VPS53: variants seen among roughly 807,000 people sequenced by gnomAD.
VPS53 encodes vacuolar protein sorting-associated protein 53 homolog.
In VPS53, 70 loss-of-function variants were observed where a neutral mutation model predicts 107.0. The ratio of observed to expected loss-of-function variants is 0.65; its 90% confidence interval spans 0.54 to 0.80. VPS53 has a LOEUF of 0.80. Ranked by LOEUF, VPS53 falls within the 30% of genes least tolerant of loss-of-function variation. The pLI, the probability that VPS53 is intolerant of heterozygous loss-of-function variation, is 0.00. For missense variants in VPS53, 917 were observed against 1,049.4 expected, an observed-to-expected ratio of 0.87 and a Z score of 1.74; for synonymous variants, 409 against 393.3, an observed-to-expected ratio of 1.04 and a Z score of -0.47.
chr17:620,366 C>T (rs143207321), intron 11 of VPS53, among the ~76,000 whole-genome samples: 1 of 152,204 alleles, frequency 6.6e-6, no homozygotes, highest in African/African-American at 2.4e-5. Context: ...GAGGGAATTG[C>T]ACTGAAGTCT....
intron 18 of VPS53, among the ~76,000 whole-genome samples, chr17:534,452 C>T (rs763078337): frequency 6.6e-6 from 1 of 152,054 alleles, no homozygotes; most frequent in South Asian, 2.1e-4. Flanking sequence ...AACTGGAGTC[C>T]GGAGATCGGA....
At chr17:589,060 AATG>A (rs1377691116) in intron 12 of VPS53, among the ~76,000 whole-genome samples, 3 of 151,958 alleles carry the variant, frequency 2.0e-5, no homozygotes, top group South Asian at 2.1e-4. Context: ...ATTAAATAAT[AATG>A]ATAAGTATTA....
At chr17:603,999 T>C (rs529410843) in intron 11 of VPS53, among the ~76,000 whole-genome samples, 3 of 152,208 alleles carry the variant, frequency 2.0e-5, no homozygotes, top group Non-Finnish European at 4.4e-5. Context: ...CCTTTGTAGA[T>C]ATGAAAAGCA....
intron 11 of VPS53, among the ~76,000 whole-genome samples, chr17:615,187 C>A (rs1237725534): frequency 6.6e-6 from 1 of 152,150 alleles, no homozygotes; most frequent in Non-Finnish European, 1.5e-5. Flanking sequence ...GAAGTTGAGG[C>A]AACTGGGAAA....
intron 17 of VPS53, among the ~76,000 whole-genome samples, chr17:539,556 T>A (rs1910427661): frequency 6.6e-6 from 1 of 152,160 alleles, no homozygotes; most frequent in Non-Finnish European, 1.5e-5. Context: ...TAGTATTTTT[T>A]AAAAATGTGG....
chr17:659,512 C>G lies in VPS53; in HGVS notation c.372+2297G>C, dbSNP rs144198330. Among the ~76,000 whole-genome samples the G allele has an allele frequency of 9.4e-4, 143 of 152,250 alleles. 1 individual carries two copies. The highest frequency in any genetic ancestry group is 3.4e-3 in the African/African-American group (140 of 41,564). On this transcript the variant is annotated intron_variant, in intron 5 of 21. Transcript: ENST00000437048. ...GCCAGGCTGGTCTTGAACTCCTGGC[C>G]TCAAGTGATCCCCCCTCCTTGGCCT...
At chr17:572,442 C>T (rs1224604771) in intron 13 of VPS53, among the ~76,000 whole-genome samples, 53 of 150,022 alleles carry the variant, frequency 3.5e-4, no homozygotes, top group Non-Finnish European at 5.6e-4. Context: ...CGGCCAGCCG[C>T]CCCATCCGGG....
At chr17:684,664 C>A (rs1972519363) in intron 4 of VPS53, among the ~76,000 whole-genome samples, 2 of 152,138 alleles carry the variant, frequency 1.3e-5, no homozygotes, top group African/African-American at 4.8e-5. Flanking sequence ...CAATCAAAGT[C>A]CCAGAGATTT....
chr17:527,774 C>G (rs1909233809), intron 19 of VPS53, among the ~76,000 whole-genome samples: 1 of 152,134 alleles, frequency 6.6e-6, no homozygotes, highest in African/African-American at 2.4e-5. Context: ...CCACACTTGG[C>G]TAATTTTTAA....
At chr17:645,118 C>G (rs1198333924) in intron 7 of VPS53, among the ~76,000 whole-genome samples, 1 of 152,146 alleles carries the variant, frequency 6.6e-6, no homozygotes, top group Non-Finnish European at 1.5e-5. Context: ...AAAACTACCT[C>G]TTTAAACAAA....
chr17:669,980 A>T (rs932662393), intron 4 of VPS53, among the ~76,000 whole-genome samples: 5 of 152,176 alleles, frequency 3.3e-5, no homozygotes, highest in African/African-American at 1.2e-4. Context: ...TAAAAACAGA[A>T]CTAATCACTC....
At chr17:655,210 G>A (rs1319746151) in intron 6 of VPS53, among the ~76,000 whole-genome samples, 1 of 152,276 alleles carries the variant, frequency 6.6e-6, no homozygotes, top group South Asian at 2.1e-4. Context: ...GCTAGTAAAG[G>A]AGGCTTTAGA....
chr17:622,787 A>T (rs1969525191), intron 11 of VPS53, among the ~76,000 whole-genome samples: 1 of 151,118 alleles, frequency 6.6e-6, no homozygotes, highest in African/African-American at 2.4e-5. Context: ...TGCAGCCTCA[A>T]CTCCTGGGCT....
At chr17:539,965 C>T (rs569606732) in intron 17 of VPS53, among the ~76,000 whole-genome samples, 1 of 152,100 alleles carries the variant, frequency 6.6e-6, no homozygotes, top group Admixed American at 6.6e-5. Flanking sequence ...AAGCCCAAAC[C>T]AAGTCTATCT....
At chr17:689,490 T>C (rs1243566582) in intron 4 of VPS53, among the ~76,000 whole-genome samples, 3 of 105,134 alleles carry the variant, frequency 2.9e-5, no homozygotes, top group Non-Finnish European at 5.4e-5. Context: ...TTTTTTTTTT[T>C]TGAGATGGAG....
At chr17:567,722 T>TA (rs997295459) in intron 13 of VPS53, among the ~76,000 whole-genome samples, 14 of 150,400 alleles carry the variant, frequency 9.3e-5, no homozygotes, top group Admixed American at 1.3e-4. Context: ...TCCCTATCTC[T>TA]AAAAAAAAAT....
chr17:661,894 G>A lies in VPS53; in HGVS notation c.287C>T (p.Ala96Val), dbSNP rs1161539491. Residue 96 changes from alanine (A) to valine (V), a missense_variant and splice_region_variant, in exon 5 of 22, where the codon GCG becomes GTG. By Grantham distance (64) the Ala-to-Val change is moderately conservative. Transcript: ENST00000437048. ...GATAGCTTTCTGAGCCTCTTCAAGCGCCTAGAGTAAGGGAAATACATGAAA... is the reference window on the plus strand; with the variant it reads ...GATAGCTTTCTGAGCCTCTTCAAGCACCTAGAGTAAGGGAAATACATGAAA... ...QTNVGQDGRQ[A>V]LEEAQKAIQQ... is the part of the protein sequence containing the mutation. 3.9e-6 allele frequency: 6 copies of A among 1,551,594 alleles called. No homozygotes were observed. Among genetic ancestry groups the A allele is most frequent in the East Asian group, 2.4e-5 (1 of 40,920 alleles).
At chr17:655,427 G>T (rs1342640288) in intron 6 of VPS53, among the ~76,000 whole-genome samples, 1 of 151,712 alleles carries the variant, frequency 6.6e-6, no homozygotes, top group Non-Finnish European at 1.5e-5. Flanking sequence ...AGCAGGGAGT[G>T]AATATGGGCC....
chr17:680,854 C>T (rs572930109), intron 4 of VPS53, among the ~76,000 whole-genome samples: 2 of 152,288 alleles, frequency 1.3e-5, no homozygotes, highest in East Asian at 3.9e-4. Context: ...GCCTGCCATT[C>T]CCACTCTTAG....
Sources: allele counts gnomAD v4.1 joint callset (sites outside exome capture counted in the v4.1 genomes callset), GRCh38; gene constraint gnomAD v4.1.1; transcripts MANE v1.5; gene names NCBI Gene and HGNC (gene_info 2026-07-23, HGNC 2026-07-21).